The following MINAR1 variants were observed in gnomAD, a reference collection of about 807,000 sequenced individuals.
MINAR1 encodes major intrinsically disordered Notch2-binding receptor 1.
In MINAR1, 40 loss-of-function variants were observed where a neutral mutation model predicts 65.1. That is an observed-to-expected ratio of 0.61 (90% confidence interval 0.48 to 0.80). The LOEUF (loss-of-function observed/expected upper bound fraction) is 0.80, where lower values mean the gene tolerates loss of function less well. Ranked by LOEUF, MINAR1 falls within the 30% of genes least tolerant of loss-of-function variation. The probability of loss-of-function intolerance (pLI) is 0.00; values close to 1 mark genes in which losing one functional copy is unlikely to be tolerated. For synonymous variants in MINAR1, 482 were observed against 449.1 expected, an observed-to-expected ratio of 1.07 and a Z score of -0.93; for missense variants, 1,128 against 1,148.0, an observed-to-expected ratio of 0.98 and a Z score of 0.25.
At chr15:79,432,183 G>A (rs1340854917), upstream of MINAR1, among the ~76,000 whole-genome samples, 6 of 152,174 alleles carry the variant, frequency 3.9e-5, no homozygotes, top group East Asian at 9.7e-4. Context: ...GCCGCGTCCC[G>A]GGGCCGCTGG....
chr15:79,467,530 GCT>G (rs1351908978), intron 3 of MINAR1, among the ~76,000 whole-genome samples: 1 of 152,164 alleles, frequency 6.6e-6, no homozygotes, highest in Non-Finnish European at 1.5e-5. Flanking sequence ...GTCAGTGGGG[GCT>G]CTCTCTTTGG....
chr15:79,411,604 G>A, the MINAR1 span: 1 of 662,954 alleles, frequency 1.5e-6, no homozygotes, highest in Non-Finnish European at 2.8e-6. Flanking sequence ...CATGCACTGG[G>A]ACTAGCTCCT....
At chr15:79,440,306 TG>T (rs1894834840) in intron 1 of MINAR1, among the ~76,000 whole-genome samples, 1 of 152,220 alleles carries the variant, frequency 6.6e-6, no homozygotes, top group Non-Finnish European at 1.5e-5. Flanking sequence ...AGACTGCACC[TG>T]GTAGCCTTCT....
At chr15:79,445,552 T>TTC (rs1555427883) in intron 1 of MINAR1, among the ~76,000 whole-genome samples, 1 of 147,372 alleles carries the variant, frequency 6.8e-6, no homozygotes, top group East Asian at 2.4e-4. Context: ...TGACAGTTAT[T>TTC]TTTTTTTTTT....
the MINAR1 span, chr15:79,421,293 G>C: frequency 6.6e-6 from 1 of 152,190 alleles, no homozygotes; most frequent in Non-Finnish European, 1.5e-5. Flanking sequence ...GTAGCAGTTT[G>C]TGGGTCAGCA....
At chr15:79,437,658 TAG>T (rs1438875465) in intron 1 of MINAR1, among the ~76,000 whole-genome samples, 2 of 107,914 alleles carry the variant, frequency 1.9e-5, no homozygotes, top group Non-Finnish European at 3.8e-5. Flanking sequence ...TGGGTGTGTG[TAG>T]GTAGTGTGTG....
intron 1 of MINAR1, among the ~76,000 whole-genome samples, chr15:79,454,913 A>C (rs542242023): frequency 7.8e-6 from 1 of 128,476 alleles, no homozygotes; most frequent in Non-Finnish European, 1.7e-5. Context: ...TTGTACGTAC[A>C]TTTTACATTA....
At chr15:79,431,859 C>T (rs1471136685), upstream of MINAR1, among the ~76,000 whole-genome samples, 1 of 152,214 alleles carries the variant, frequency 6.6e-6, no homozygotes, top group East Asian at 1.9e-4. Context: ...ACCGAACGGA[C>T]ACCGCCTTCC....
chr15:79,424,191 C>T, the MINAR1 span: 11 of 152,286 alleles, frequency 7.2e-5, no homozygotes, highest in East Asian at 2.1e-3. Flanking sequence ...CCAGATAACT[C>T]CATGGAAATA....
At chr15:79,433,416 A>G (rs1894508202) in intron 1 of MINAR1, among the ~76,000 whole-genome samples, 1 of 150,698 alleles carries the variant, frequency 6.6e-6, no homozygotes, top group East Asian at 1.9e-4. Context: ...GCGGGAATTA[A>G]GTTATGTTTG....
At position 79,465,035 on chromosome 15, in the gene MINAR1, T is replaced by C. The variant is rs75584844; in HGVS notation, c.2553+1714T>C. Reference sequence around the variant, plus strand: ...CTGGAAGATTTACCCCCTACAGATATGTGAGCTTTTACTGCACCAGTGTTT... The same window carrying C: ...CTGGAAGATTTACCCCCTACAGATACGTGAGCTTTTACTGCACCAGTGTTT... On this transcript the variant is annotated intron_variant, in intron 3 of 3. Transcript: ENST00000305428. Among the ~76,000 whole-genome samples the C allele has an allele frequency of 9.4e-3, 1,431 of 152,280 alleles. 22 individuals carry two copies. Among genetic ancestry groups the C allele is most frequent in the African/African-American group, 0.033 (1,366 of 41,554 alleles).
At chr15:79,440,916 G>A (rs1183281591) in intron 1 of MINAR1, among the ~76,000 whole-genome samples, 1 of 152,034 alleles carries the variant, frequency 6.6e-6, no homozygotes, top group African/African-American at 2.4e-5. Context: ...ATGAGGGCAG[G>A]GTTTTTGTTT....
Position 79,468,777 on chromosome 15 carries a change from T to A in MINAR1, c.*393T>A. On this transcript the variant is annotated 3_prime_UTR_variant, in exon 4 of 4. Transcript: ENST00000305428. ...TAATACACGCCTCTTTAGAAGAAAC[T>A]AAGGGAAATAGCAACATAAGAAGAA... 1 of 202,966 alleles carries A rather than the reference T, an allele frequency of 4.9e-6. No homozygotes were observed. Among genetic ancestry groups the A allele is most frequent in the Non-Finnish European group, 1.0e-5 (1 of 98,536 alleles). 12.6% of individuals were successfully genotyped at this position (202,966 alleles called of 1,614,324 possible).
chr15:79,442,124 T>C (rs149167063), intron 1 of MINAR1, among the ~76,000 whole-genome samples: 2,285 of 151,910 alleles, frequency 0.015, 58 homozygotes, highest in African/African-American at 0.052. Context: ...ACCTATCAGT[T>C]TTCATCTTAA....
chr15:79,469,301 A>G lies in MINAR1; in HGVS notation c.*917A>G, dbSNP rs1895987832. 1 of 152,614 alleles carries G rather than the reference A, an allele frequency of 6.6e-6. No individual in the cohort carries two copies. Among genetic ancestry groups the G allele is most frequent in the Non-Finnish European group, 1.5e-5 (1 of 68,042 alleles). 9.5% of individuals were successfully genotyped at this position (152,614 alleles called of 1,614,324 possible). Reference sequence around the variant, plus strand: ...TGGAACTTGTCCTTGTGCCTTGAAGAGTAGAGACAATGGCTAAACGTTGAC... The same window carrying G: ...TGGAACTTGTCCTTGTGCCTTGAAGGGTAGAGACAATGGCTAAACGTTGAC... On this transcript the variant is annotated 3_prime_UTR_variant, in exon 4 of 4. Transcript: ENST00000305428.
At chr15:79,458,618 G>T (rs925600892) in intron 2 of MINAR1, among the ~76,000 whole-genome samples, 173 bp downstream of exon 2, 4 of 152,224 alleles carry the variant, frequency 2.6e-5, no homozygotes, top group Admixed American at 1.3e-4. Flanking sequence ...ACATAGGCAG[G>T]TCGTGTGTTC....
intron 1 of MINAR1, among the ~76,000 whole-genome samples, chr15:79,442,485 G>C (rs1177356405): frequency 1.3e-5 from 2 of 150,640 alleles, no homozygotes; most frequent in Non-Finnish European, 3.0e-5. Flanking sequence ...TTCATATTTG[G>C]CTATCCAAAT....
Position 79,457,487 on chromosome 15 carries a change from A to G in MINAR1, c.1340A>G (p.Glu447Gly). 6.2e-7 allele frequency: 1 copy of G among 1,614,196 alleles called. No individual in the cohort carries two copies. Among genetic ancestry groups the G allele is most frequent in the Non-Finnish European group, 8.5e-7 (1 of 1,180,030 alleles). ...GAGATCTCATCCCCTGTTGACCTGG[A>G]GAAGCATGAACCAGTCAAAAAGTTT... ...SKEISSPVDL[E>G]KHEPVKKFKD... Residue 447 changes from glutamate (E) to glycine (G), a missense_variant, in exon 2 of 4, where the codon GAG (glutamate) becomes GGG (glycine). Coordinates refer to ENST00000305428, the MANE Select transcript of MINAR1 (RefSeq NM_015206.3).
At chr15:79,441,659 A>T (rs561981528) in intron 1 of MINAR1, among the ~76,000 whole-genome samples, 1 of 152,266 alleles carries the variant, frequency 6.6e-6, no homozygotes, top group South Asian at 2.1e-4. Flanking sequence ...TAAGTCACAT[A>T]CTTCTCCAGG....
Sources: allele counts gnomAD v4.1 joint callset (sites outside exome capture counted in the v4.1 genomes callset), GRCh38; gene constraint gnomAD v4.1.1; transcripts MANE v1.5; gene names NCBI Gene and HGNC (gene_info 2026-07-23, HGNC 2026-07-21).